Variants in B4GALNT3 observed in about 807,000 individuals in gnomAD.
B4GALNT3 encodes the protein beta-1,4-N-acetylgalactosaminyltransferase 3.
A neutral mutation model predicts 120.2 loss-of-function variants in B4GALNT3; 86 were observed. The ratio of observed to expected loss-of-function variants is 0.72; its 90% CI spans 0.60 to 0.86. The LOEUF (loss-of-function observed/expected upper bound fraction) is 0.86, where lower values mean the gene tolerates loss of function less well. B4GALNT3 is among the 40% of genes least tolerant of loss of function. B4GALNT3 has a pLI of 0.00. For synonymous variants in B4GALNT3, 518 were observed against 510.4 expected (o/e 1.01, Z -0.20); for missense variants, 1,167 against 1,298.9 (o/e 0.90, Z 1.56).
At chr12:517,719 G>A (rs1946670842) in intron 1 of B4GALNT3, among the ~76,000 whole-genome samples, 1 of 151,738 alleles carries the variant, frequency 6.6e-6, no homozygotes, top group African/African-American at 2.4e-5. Flanking sequence ...TACTTGTCAT[G>A]TTATCAAACC....
chr12:508,811 T>G (rs1037092191), intron 1 of B4GALNT3, among the ~76,000 whole-genome samples: 3 of 152,218 alleles, frequency 2.0e-5, no homozygotes, highest in Non-Finnish European at 2.9e-5. Context: ...AAGGGAGAAC[T>G]AGACAACTCT....
chr12:467,489 G>A (rs528116845), intron 1 of B4GALNT3, among the ~76,000 whole-genome samples: 5 of 152,312 alleles, frequency 3.3e-5, no homozygotes, highest in African/African-American at 1.2e-4. Context: ...AACCTGGGAA[G>A]CAGAGGCTGC....
intron 1 of B4GALNT3, among the ~76,000 whole-genome samples, chr12:513,126 C>T (rs1273768061): frequency 4.1e-5 from 5 of 122,420 alleles, no homozygotes; most frequent in South Asian, 2.5e-4. Context: ...TTCCACCTTC[C>T]GCCTTCCACC....
chr12:476,786 A>G (rs7308179), intron 1 of B4GALNT3, among the ~76,000 whole-genome samples: 1,742 of 152,310 alleles, frequency 0.011, 24 homozygotes, highest in African/African-American at 0.038. Context: ...ATATCAAAGA[A>G]TCCTAGGACA....
rs1280701785 is a variant in B4GALNT3 at position 561,419 on chromosome 12, A to T, written c.2965A>T (p.Met989Leu). The T allele has an allele frequency of 1.4e-5, 23 of 1,613,666 alleles. No homozygotes were observed. Among genetic ancestry groups the T allele is most frequent in the Non-Finnish European group, 1.9e-5 (23 of 1,180,004 alleles). Residue 989 changes from methionine (M) to leucine (L), a missense_variant, in exon 20 of 20, where the codon ATG (methionine) becomes TTG (leucine). This residue lies in a region of B4GALNT3 where 983 missense variants were observed against 1,102.5 expected (regional missense o/e 0.89). Coordinates refer to ENST00000266383, the MANE Select transcript of B4GALNT3 (RefSeq NM_173593.4). ...CCATCATTTCCATTCCAAGCGAGGC[A>T]TGTGGAGCCGTCGCCAGATGAAGAC... ...FFHHFHSKRG[M>L]WSRRQMKTL
intron 1 of B4GALNT3, among the ~76,000 whole-genome samples, chr12:518,991 T>C (rs1055691080): frequency 2.6e-5 from 4 of 152,234 alleles, no homozygotes; most frequent in African/African-American, 9.6e-5. Flanking sequence ...CTTTAAAGTC[T>C]CTTTTAAAGC....
chr12:532,354 G>A (rs752514755), intron 1 of B4GALNT3, among the ~76,000 whole-genome samples: 3 of 152,180 alleles, frequency 2.0e-5, no homozygotes, highest in African/African-American at 4.8e-5. Context: ...GTCACTGAGA[G>A]AGCTGCCTCT....
At chr12:544,581 C>A (rs1346968762) in intron 4 of B4GALNT3, 147 bp downstream of exon 4, 2 of 743,316 alleles carry the variant, frequency 2.7e-6, no homozygotes, top group East Asian at 5.3e-5. Context: ...ATAATAGTTC[C>A]CTTGTTTCCT....
At chr12:490,046 T>G (rs2120502499) in intron 1 of B4GALNT3, among the ~76,000 whole-genome samples, 1 of 152,328 alleles carries the variant, frequency 6.6e-6, no homozygotes, top group East Asian at 1.9e-4. Context: ...AAGAGAAATG[T>G]AAAAATCTTG....
At chr12:539,534 TAAA>T (rs561171166) in intron 3 of B4GALNT3, among the ~76,000 whole-genome samples, 6 of 136,698 alleles carry the variant, frequency 4.4e-5, no homozygotes, top group Non-Finnish European at 4.8e-5. Context: ...GCCTTTCCTT[TAAA>T]AAAAAAAAAA....
Position 557,730 on chromosome 12 carries a change from G to A in B4GALNT3, c.2503G>A (p.Glu835Lys). The A allele has an allele frequency of 1.2e-6, 2 of 1,604,574 alleles. No homozygotes were observed. The highest frequency in any genetic ancestry group is 1.7e-6 in the Non-Finnish European group (2 of 1,177,158). Reference sequence around the variant, plus strand: ...CTATAGCAGTGAGGACATGGATGTTGAGATGGCACTGAAGAGGTCCAAGCT... The same window carrying A: ...CTATAGCAGTGAGGACATGGATGTTAAGATGGCACTGAAGAGGTCCAAGCT... Reference protein sequence around the residue: ...TDYSSEDMDVEMALKRSKLRS... With the variant: ...TDYSSEDMDVKMALKRSKLRS... Residue 835 changes from glutamate to lysine, a missense_variant, in exon 16 of 20, where the codon GAG becomes AAG. Around this residue, in one of 3 missense-constraint regions of B4GALNT3, gnomAD observed 983 missense variants for 1,102.5 expected, o/e 0.89. Coordinates refer to ENST00000266383, the MANE Select transcript of B4GALNT3 (RefSeq NM_173593.4).
intron 13 of B4GALNT3, 42 bp from the exon 14 acceptor site, chr12:553,152 T>A (rs375905036): frequency 6.3e-7 from 1 of 1,595,688 alleles, no homozygotes. Context: ...TTGGAAAGGG[T>A]TGGAAACTCT....
intron 3 of B4GALNT3, among the ~76,000 whole-genome samples, chr12:539,096 G>A (rs1164008949): frequency 2.6e-5 from 4 of 152,176 alleles, no homozygotes; most frequent in East Asian, 3.8e-4. Flanking sequence ...TCCCTGCCCC[G>A]AGCTTTGGCT....
intron 1 of B4GALNT3, among the ~76,000 whole-genome samples, chr12:479,517 A>G (rs1467061699): frequency 6.6e-6 from 1 of 152,190 alleles, no homozygotes; most frequent in East Asian, 1.9e-4. Context: ...AAGAAGAGAA[A>G]CAAAGTGAAG....
chr12:460,328 C>T lies in B4GALNT3; in HGVS notation c.-49C>T, dbSNP rs1248968515. On this transcript the variant is annotated 5_prime_UTR_variant, in exon 1 of 20. Coordinates refer to ENST00000266383, the MANE Select transcript of B4GALNT3 (RefSeq NM_173593.4). The surrounding 1 kb of genome is among the most constrained non-coding windows in gnomAD (Gnocchi z 8.0). The stretch of plus-strand genomic sequence containing the variant: ...GCGGGGCCCGGCCGGGGGGCGGCGG[C>T]TCGGGGGGTTGGAGCCCGCGCTGGC... 2.0e-6 allele frequency: 2 copies of T among 997,130 alleles called. No homozygotes were observed. Among genetic ancestry groups the T allele is most frequent in the Non-Finnish European group, 2.4e-6 (2 of 838,432 alleles). The allele number at this position is 997,130 out of a possible 1,614,324, so 61.8% of individuals were successfully genotyped here. A position where few individuals can be genotyped will look rare whatever the true frequency, so the allele number is the denominator to read the frequency against.
intron 13 of B4GALNT3, chr12:552,966 C>A: frequency 6.6e-6 from 4 of 608,580 alleles, no homozygotes; most frequent in Non-Finnish European, 1.1e-5. Flanking sequence ...TCAGTCTTCA[C>A]AAACCCATGA....
Position 557,990 on chromosome 12 carries a change from C to G in B4GALNT3, c.2535-26C>G, listed in dbSNP as rs370749836. On this transcript the variant is annotated intron_variant, in intron 16 of 19. Transcript: ENST00000266383. Reference sequence around the variant, plus strand: ...GGACCACCGCAGCTGAGTCCTGATACGCAGCCCTCTCTCCCCTTCCTGCAG... The same window carrying G: ...GGACCACCGCAGCTGAGTCCTGATAGGCAGCCCTCTCTCCCCTTCCTGCAG... 227 of 1,612,218 alleles carry G rather than the reference C, an allele frequency of 1.4e-4. 1 individual carries two copies. The South Asian group carries it at 2.4e-3, about 17-fold the overall frequency.
intron 1 of B4GALNT3, among the ~76,000 whole-genome samples, chr12:493,220 C>A (rs556828299): frequency 1.9e-4 from 29 of 152,216 alleles, no homozygotes; most frequent in Non-Finnish European, 2.2e-4. Flanking sequence ...CCAAAACATA[C>A]AAAGACAATA....
At chr12:477,449 G>A (rs1235314796) in intron 1 of B4GALNT3, among the ~76,000 whole-genome samples, 2 of 152,196 alleles carry the variant, frequency 1.3e-5, no homozygotes, top group East Asian at 1.9e-4. Flanking sequence ...ATTGATATTG[G>A]AGAGTAACCT....
Sources: allele counts gnomAD v4.1 joint callset (sites outside exome capture counted in the v4.1 genomes callset), GRCh38; gene constraint gnomAD v4.1.1; regional missense constraint gnomAD v4.1.1; non-coding constraint Gnocchi (gnomAD v3.1); transcripts MANE v1.5; gene names NCBI Gene and HGNC (gene_info 2026-07-23, HGNC 2026-07-21).